The following GLYR1 variants were observed in gnomAD, a reference collection of about 807,000 sequenced individuals.
GLYR1 encodes glyoxylate reductase 1 homolog, also known as cytokine-like nuclear factor N-PAC.
GLYR1 carries 21 observed loss-of-function variants against 72.7 expected under a neutral mutation model. That is an observed-to-expected ratio of 0.29 (90% CI 0.20 to 0.42). The LOEUF is 0.42. Among genes scored for constraint, GLYR1 ranks in the 10% least tolerant of loss-of-function variants. The pLI, the probability that GLYR1 is intolerant of heterozygous loss-of-function variation, is 1.00. For synonymous variants in GLYR1, 392 were observed against 270.2 expected (o/e 1.45, Z -4.42); for missense variants, 594 against 712.1 (o/e 0.83, Z 1.89).
At chr16:4,837,850 G>A (rs2085253936) in intron 3 of GLYR1, among the ~76,000 whole-genome samples, 1 of 151,982 alleles carries the variant, frequency 6.6e-6, no homozygotes. Flanking sequence ...ATAATCGCTT[G>A]AACCCAGGAG....
At chr16:4,825,653 C>T (rs1380441888) in intron 5 of GLYR1, among the ~76,000 whole-genome samples, 1 of 123,676 alleles carries the variant, frequency 8.1e-6, no homozygotes, top group Non-Finnish European at 1.7e-5. Flanking sequence ...TTATTATCAT[C>T]TTCTTTTTTT....
At chr16:4,843,584 G>T in intron 3 of GLYR1, 2 of 1,289,182 alleles carry the variant, frequency 1.6e-6, no homozygotes, top group Non-Finnish European at 2.0e-6. Context: ...TTGTGATAGA[G>T]AAATGGGGCT....
chr16:4,834,446 G>A (rs898702216), intron 3 of GLYR1, among the ~76,000 whole-genome samples: 9 of 151,804 alleles, frequency 5.9e-5, no homozygotes, highest in African/African-American at 1.7e-4. Context: ...TTACAGGCGT[G>A]AGCCACCACA....
intron 11 of GLYR1, 174 bp from the exon 12 acceptor site, chr16:4,814,012 T>TC: frequency 2.0e-6 from 1 of 495,976 alleles, no homozygotes; most frequent in Non-Finnish European, 3.5e-6. Context: ...TCCCGCATGC[T>TC]CCCATTTATC....
rs2085651160 is a variant in GLYR1, at chr16:4,842,660, C to T, written c.155+2414G>A. On this transcript the variant is annotated intron_variant, in intron 3 of 15. Coordinates refer to ENST00000321919, the MANE Select transcript of GLYR1 (RefSeq NM_032569.4). ...ACAGGCATGAGCCACTGTGCCCAGC[C>T]TAGAATTAACAATTATCTGCCATCA... 2.0e-5 allele frequency among the ~76,000 whole-genome samples: 3 copies of T among 151,764 alleles called. No individual in the cohort carries two copies. In the South Asian group the frequency reaches 6.3e-4, roughly 32 times the overall value.
intron 9 of GLYR1, among the ~76,000 whole-genome samples, chr16:4,818,380 G>A (rs919986804): frequency 2.6e-5 from 4 of 152,046 alleles, no homozygotes; most frequent in Non-Finnish European, 4.4e-5. Context: ...CTGCAGCCTC[G>A]ACCTCCTGGG....
chr16:4,843,719 T>C, intron 3 of GLYR1: 1 of 1,079,634 alleles, frequency 9.3e-7, no homozygotes, highest in African/African-American at 1.7e-5. Flanking sequence ...GAATTAGATT[T>C]ACCAGAGAAG....
chr16:4,807,279 T>C (rs1434707935), intron 15 of GLYR1, among the ~76,000 whole-genome samples: 2 of 151,818 alleles, frequency 1.3e-5, no homozygotes, highest in Non-Finnish European at 2.9e-5. Context: ...GCCCGGCTAA[T>C]TTTTGGTATT....
intron 9 of GLYR1, among the ~76,000 whole-genome samples, chr16:4,820,571 C>A: frequency 6.6e-6 from 1 of 152,144 alleles, no homozygotes; most frequent in East Asian, 1.9e-4. Context: ...ATCTCCTCCA[C>A]TCTACAGAGA....
Position 4,846,055 on chromosome 16 carries a change from A to T in GLYR1, c.75+119T>A. 3 of 1,065,534 alleles carry T rather than the reference A, an allele frequency of 2.8e-6. No homozygotes were observed. The South Asian group carries it at 3.8e-5, about 13-fold the overall frequency. The allele number at this position is 1,065,534 out of a possible 1,614,324, so 66.0% of individuals were successfully genotyped here. A position where few individuals can be genotyped will look rare whatever the true frequency, so the allele number is the denominator to read the frequency against. ...CGATACTAGGGGAAAAAAAATTCTA[A>T]GTGCCATCTGAATGAGCCCAATTTA... On this transcript the variant is annotated intron_variant, in intron 2 of 15. Coordinates refer to ENST00000321919, the MANE Select transcript of GLYR1 (RefSeq NM_032569.4).
chr16:4,812,752 A>C (rs2083393185), intron 12 of GLYR1, among the ~76,000 whole-genome samples: 2 of 151,532 alleles, frequency 1.3e-5, no homozygotes, highest in African/African-American at 4.9e-5. Flanking sequence ...CGGCCTCCCA[A>C]AGTGCTTGGA....
chr16:4,811,089 A>T, intron 15 of GLYR1, 81 bp downstream of exon 15: 1 of 1,520,534 alleles, frequency 6.6e-7, no homozygotes, highest in Non-Finnish European at 8.8e-7. Context: ...TGGGTGACAG[A>T]GTGAGACTCC....
intron 9 of GLYR1, among the ~76,000 whole-genome samples, chr16:4,818,578 C>G (rs532953093): frequency 6.6e-6 from 1 of 152,140 alleles, no homozygotes; most frequent in Non-Finnish European, 1.5e-5. Flanking sequence ...CCACTGCACC[C>G]GGCTCTGGAT....
rs764043506 is a variant in GLYR1 at position 4,822,950 on chromosome 16, G to A, written c.625-19C>T. The A allele has an allele frequency of 3.1e-6, 5 of 1,611,400 alleles. No homozygotes were observed. Among genetic ancestry groups the A allele is most frequent in the Admixed American group, 3.3e-5 (2 of 59,992 alleles). On this transcript the variant is annotated intron_variant, in intron 6 of 15. Coordinates refer to ENST00000321919, the MANE Select transcript of GLYR1 (RefSeq NM_032569.4). ...TAACAGGCTGAAACCAGAAAACAGTGAAATAAAACCAGTTATCTGCCACCA... is the reference window on the plus strand; with the variant it reads ...TAACAGGCTGAAACCAGAAAACAGTAAAATAAAACCAGTTATCTGCCACCA...
At chr16:4,806,555 T>C (rs1253738189) in intron 15 of GLYR1, among the ~76,000 whole-genome samples, 1 of 150,136 alleles carries the variant, frequency 6.7e-6, no homozygotes, top group African/African-American at 2.5e-5. Context: ...TTTGTACAGA[T>C]GGGGGTCTTG....
At chr16:4,828,522 C>G (rs2084577817) in intron 5 of GLYR1, among the ~76,000 whole-genome samples, 1 of 152,106 alleles carries the variant, frequency 6.6e-6, no homozygotes, top group Non-Finnish European at 1.5e-5. Context: ...GTATGCTACA[C>G]TACTCCCCAG....
intron 5 of GLYR1, among the ~76,000 whole-genome samples, chr16:4,830,802 T>C (rs965130293): frequency 4.6e-5 from 7 of 152,212 alleles, no homozygotes; most frequent in Non-Finnish European, 7.3e-5. Context: ...CTTTATCTCA[T>C]CTTGCTAGCT....
rs1447650996 is a variant in GLYR1 at position 4,804,428 on chromosome 16, T to C, written c.*808A>G. On this transcript the variant is annotated 3_prime_UTR_variant, in exon 16 of 16. Coordinates refer to ENST00000321919, the MANE Select transcript of GLYR1 (RefSeq NM_032569.4). The stretch of plus-strand genomic sequence containing the variant: ...CCAAGGGATGGAATGCAAATCCAAA[T>C]ACTAAAACAGCCTAGGGAGGAGCGA... The C allele has an allele frequency of 6.5e-6, 1 of 152,766 alleles. No homozygotes were observed. Among genetic ancestry groups the C allele is most frequent in the South Asian group, 2.1e-4 (1 of 4,834 alleles). The allele number at this position is 152,766 out of a possible 1,614,324, so 9.5% of individuals were successfully genotyped here.
At chr16:4,821,300 A>C in intron 9 of GLYR1, 80 bp downstream of exon 9, 1 of 1,445,714 alleles carries the variant, frequency 6.9e-7, no homozygotes, top group Non-Finnish European at 9.7e-7. Context: ...CACAACCCTT[A>C]AAGAACCCCC....
Sources: allele counts gnomAD v4.1 joint callset (sites outside exome capture counted in the v4.1 genomes callset), GRCh38; gene constraint gnomAD v4.1.1; transcripts MANE v1.5; gene names NCBI Gene and HGNC (gene_info 2026-07-23, HGNC 2026-07-21).